C15orf40: variants seen among roughly 807,000 people sequenced by gnomAD.
C15orf40 encodes UPF0235 protein C15orf40.
A neutral mutation model predicts 13.9 loss-of-function variants in C15orf40; 9 were observed. The observed-to-expected ratio is 0.65, with a 90% CI of 0.39 to 1.13. The LOEUF (loss-of-function observed/expected upper bound fraction) is 1.13, where lower values mean the gene tolerates loss of function less well. C15orf40 is among the 50% of genes most tolerant of loss of function. The pLI is 0.01. For synonymous variants in C15orf40, 95 were observed against 69.2 expected, an observed-to-expected ratio of 1.37 and a Z score of -1.85; for missense variants, 225 against 188.5, an observed-to-expected ratio of 1.19 and a Z score of -1.13.
At chr15:82,992,003 G>A (rs1409483146), downstream of C15orf40, 5 of 1,018,550 alleles carry the variant, frequency 4.9e-6, no homozygotes, top group African/African-American at 3.3e-5. Context: ...ATCACTTGAA[G>A]CCAGGAGTTC....
Position 83,011,597 on chromosome 15 carries a change from A to T in C15orf40, c.11T>A (p.Leu4His), listed in dbSNP as rs753453555. 3.8e-6 allele frequency: 6 copies of T among 1,585,266 alleles called. No individual in the cohort carries two copies. The highest frequency in any genetic ancestry group is 5.1e-6 in the Non-Finnish European group (6 of 1,170,332). Residue 4 changes from leucine (L) to histidine (H), a missense_variant, in exon 1 of 4, where the codon CTC (leucine) becomes CAC (histidine). Coordinates refer to ENST00000304177, the MANE Select transcript of C15orf40 (RefSeq NM_144597.3). MLR[L>H]RSGLRHLRAT... ...CCGAAGGTGCCTCAGCCCGCTGCGG[A>T]GCCGCAGCATCCCCGCCTGGGAAGG...
chr15:83,001,289 C>G lies in C15orf40; in HGVS notation c.*4308G>C. The G allele has an allele frequency of 1.0e-6, 1 of 985,454 alleles. No individual in the cohort carries two copies. Among genetic ancestry groups the G allele is most frequent in the Non-Finnish European group, 1.2e-6 (1 of 829,944 alleles). 61.0% of individuals were successfully genotyped at this position (985,454 alleles called of 1,614,324 possible). ...AGGATCTGTCGAAGTACAGCATAGG[C>G]AAACCACCTAGCAGTGTCTGTCAAG... On this transcript the variant is annotated 3_prime_UTR_variant, in exon 4 of 4. Transcript: ENST00000304177.
At chr15:83,010,085 A>T in intron 2 of C15orf40, 152 bp downstream of exon 2, 1 of 1,072,974 alleles carries the variant, frequency 9.3e-7, no homozygotes, top group South Asian at 1.7e-5. Flanking sequence ...ACACCTTTAC[A>T]TTAGAATCTA....
chr15:83,010,030 G>C (rs1020556561), intron 2 of C15orf40, among the ~76,000 whole-genome samples: 1 of 152,144 alleles, frequency 6.6e-6, no homozygotes, highest in Non-Finnish European at 1.5e-5. Flanking sequence ...ATATACAATG[G>C]TTTTCGTGTA....
At position 83,002,080 on chromosome 15, in the gene C15orf40, G is replaced by C. The variant is rs1270064729; in HGVS notation, c.*3517C>G. 2 of 152,098 alleles carry C rather than the reference G, an allele frequency of 1.3e-5. No individual in the cohort carries two copies. The highest frequency in any genetic ancestry group is 2.9e-5 in the Non-Finnish European group (2 of 68,050). 9.4% of individuals were successfully genotyped at this position (152,098 alleles called of 1,614,324 possible). ...GTACCACCACGCCCAGCTAATTTTTGTAATTTTTAGTAGAGGTGGGGTTTC... is the reference window on the plus strand; with the variant it reads ...GTACCACCACGCCCAGCTAATTTTTCTAATTTTTAGTAGAGGTGGGGTTTC... On this transcript the variant is annotated 3_prime_UTR_variant, in exon 4 of 4. Transcript: ENST00000304177.
chr15:82,994,264 CT>C (rs1431760050), downstream of C15orf40, among the ~76,000 whole-genome samples: 1 of 152,154 alleles, frequency 6.6e-6, no homozygotes, highest in Non-Finnish European at 1.5e-5. Flanking sequence ...ATCATTTACC[CT>C]GAATCAGGTT....
chr15:82,991,729 G>A (rs536861381), downstream of C15orf40, among the ~76,000 whole-genome samples: 1 of 152,116 alleles, frequency 6.6e-6, no homozygotes, highest in Admixed American at 6.5e-5. Context: ...GACCTAATAA[G>A]TCGGGCAGTC....
rs142799605 is a variant in C15orf40 at position 83,000,064 on chromosome 15, T to C, written c.*5533A>G. On this transcript the variant is annotated 3_prime_UTR_variant, in exon 4 of 4. Coordinates refer to ENST00000304177, the MANE Select transcript of C15orf40 (RefSeq NM_144597.3). ...ATCCCTGCAGCAGAAATGGGAGCTA[T>C]AGATGGTCATAGCTCCCTTACCCTG... 8 of 152,298 alleles carry C rather than the reference T, an allele frequency of 5.3e-5. No homozygotes were observed. Among genetic ancestry groups the C allele is most frequent in the African/African-American group, 1.7e-4 (7 of 41,558 alleles). 9.4% of individuals were successfully genotyped at this position (152,298 alleles called of 1,614,324 possible). A position where few individuals can be genotyped will look rare whatever the true frequency, so the allele number is the denominator to read the frequency against.
Position 82,995,915 on chromosome 15 carries a change from A to G in C15orf40, c.*9682T>C, listed in dbSNP as rs1407725358. Reference sequence around the variant, plus strand: ...TACCCAGTCAGTCAGGTTCGTATATAAGAGTGAGTTATCTGTGGGCTGCTT... The same window carrying G: ...TACCCAGTCAGTCAGGTTCGTATATGAGAGTGAGTTATCTGTGGGCTGCTT... On this transcript the variant is annotated 3_prime_UTR_variant, in exon 4 of 4. Coordinates refer to ENST00000304177, the MANE Select transcript of C15orf40 (RefSeq NM_144597.3). 1 of 152,292 alleles carries G rather than the reference A, an allele frequency of 6.6e-6. No homozygotes were observed. The highest frequency in any genetic ancestry group is 1.5e-5 in the Non-Finnish European group (1 of 68,076). 9.4% of individuals were successfully genotyped at this position (152,292 alleles called of 1,614,324 possible).
In C15orf40 at chr15:83,005,490, G is replaced by C; in HGVS notation, c.*107C>G. Reference sequence around the variant, plus strand: ...GTAGAGATGGGGTTTCACCATGTTGGTCAGGCTGGTCTCGAACTCCTGACC... The same window carrying C: ...GTAGAGATGGGGTTTCACCATGTTGCTCAGGCTGGTCTCGAACTCCTGACC... On this transcript the variant is annotated 3_prime_UTR_variant, in exon 4 of 4. Transcript: ENST00000304177. 1 of 992,854 alleles carries C rather than the reference G, an allele frequency of 1.0e-6. No individual in the cohort carries two copies. The highest frequency in any genetic ancestry group is 1.4e-6 in the Non-Finnish European group (1 of 714,168). 61.5% of individuals were successfully genotyped at this position (992,854 alleles called of 1,614,324 possible).
intron 3 of C15orf40, chr15:83,008,132 C>T (rs2031792282): frequency 1.1e-5 from 2 of 178,590 alleles, no homozygotes; most frequent in South Asian, 2.1e-4. Flanking sequence ...TGAGAGGTAG[C>T]AGTGCGTCAA....
At chr15:82,990,882 T>G (rs2030830214), downstream of C15orf40, 1 of 464,340 alleles carries the variant, frequency 2.2e-6, no homozygotes, top group Non-Finnish European at 3.9e-6. Context: ...TGTGGGCTGA[T>G]TTTACAATGT....
At chr15:83,008,487 C>A (rs2031817410) in intron 3 of C15orf40, 61 bp downstream of exon 3, 9 of 1,574,456 alleles carry the variant, frequency 5.7e-6, no homozygotes, top group Non-Finnish European at 7.8e-6. Context: ...CCACTGCACT[C>A]CAGCTTGGGC....
Position 83,000,997 on chromosome 15 carries a change from GA to G in C15orf40, c.*4599del. Reference sequence around the variant, plus strand: ...CCAGCGAATATTTGTATTTGTAGTAGAAACAGGGTTTCGCCATATTGGTCAG... The same window carrying G: ...CCAGCGAATATTTGTATTTGTAGTAGAACAGGGTTTCGCCATATTGGTCAG... On this transcript the variant is annotated 3_prime_UTR_variant, in exon 4 of 4. Transcript: ENST00000304177. The G allele has an allele frequency of 2.3e-6, 1 of 425,860 alleles. No homozygotes were observed. The highest frequency in any genetic ancestry group is 3.1e-6 in the Non-Finnish European group (1 of 318,802). 26.4% of individuals were successfully genotyped at this position (425,860 alleles called of 1,614,324 possible). A position where few individuals can be genotyped will look rare whatever the true frequency, so the allele number is the denominator to read the frequency against.
chr15:83,005,443 T>C lies in C15orf40; in HGVS notation c.*154A>G, dbSNP rs2031625545. 25 of 710,128 alleles carry C rather than the reference T, an allele frequency of 3.5e-5. 1 individual carries two copies. In the South Asian group the frequency reaches 4.9e-4, roughly 14 times the overall value. 44.0% of individuals were successfully genotyped at this position (710,128 alleles called of 1,614,324 possible). The stretch of plus-strand genomic sequence containing the variant: ...GGGATTACAGGCATGCGCCATCACA[T>C]CTGGCTAATTTTGTATTTTTCGTAG... On this transcript the variant is annotated 3_prime_UTR_variant, in exon 4 of 4. Transcript: ENST00000304177.
chr15:83,005,381 T>G lies in C15orf40; in HGVS notation c.*216A>C. The G allele has an allele frequency of 1.5e-6, 1 of 661,194 alleles. No individual in the cohort carries two copies. Among genetic ancestry groups the G allele is most frequent in the Non-Finnish European group, 2.0e-6 (1 of 501,154 alleles). 41.0% of individuals were successfully genotyped at this position (661,194 alleles called of 1,614,324 possible). ...CTTACTGCAACCTCCGCCCCCCAGGTTCAAGTGATTCTCCTGCCTCAGCCT... is the reference window on the plus strand; with the variant it reads ...CTTACTGCAACCTCCGCCCCCCAGGGTCAAGTGATTCTCCTGCCTCAGCCT... On this transcript the variant is annotated 3_prime_UTR_variant, in exon 4 of 4. Transcript: ENST00000304177.
Position 83,005,636 on chromosome 15 carries a change from C to T in C15orf40, c.423G>A (p.Glu141=). 1 of 1,612,198 alleles carries T rather than the reference C, an allele frequency of 6.2e-7. No homozygotes were observed. Residue 141 remains glutamate (E), a synonymous_variant, in exon 4 of 4, where the codon GAG becomes GAA. Coordinates refer to ENST00000304177, the MANE Select transcript of C15orf40 (RefSeq NM_144597.3). ...VKLLASTTPE[E]ILEKLKKEAK... ...CTTCCTTTTTTAATTTCTCCAAGAT[C>T]TCTTCTGGAGTTGTAGAAGCCAAAA... is the stretch of plus-strand genomic sequence containing the variant.
In C15orf40 at chr15:83,000,963, T is replaced by C. The variant is rs536662414; in HGVS notation, c.*4634A>G. On this transcript the variant is annotated 3_prime_UTR_variant, in exon 4 of 4. Coordinates refer to ENST00000304177, the MANE Select transcript of C15orf40 (RefSeq NM_144597.3). ...AAGTAGCTGGGACTACAGGCATGCA[T>C]TGCCATGCCCAGCGAATATTTGTAT... is the stretch of plus-strand genomic sequence containing the variant. The C allele has an allele frequency of 1.8e-5, 5 of 275,824 alleles. No individual in the cohort carries two copies. Among genetic ancestry groups the C allele is most frequent in the East Asian group, 1.8e-4 (1 of 5,662 alleles). The allele number at this position is 275,824 out of a possible 1,614,324, so 17.1% of individuals were successfully genotyped here.
chr15:83,004,359 T>C lies in C15orf40; in HGVS notation c.*1238A>G, dbSNP rs2031560695. The C allele has an allele frequency of 2.0e-6, 2 of 985,438 alleles. No homozygotes were observed. Among genetic ancestry groups the C allele is most frequent in the African/African-American group, 3.5e-5 (2 of 57,370 alleles). The allele number at this position is 985,438 out of a possible 1,614,324, so 61.0% of individuals were successfully genotyped here. A position where few individuals can be genotyped will look rare whatever the true frequency, so the allele number is the denominator to read the frequency against. On this transcript the variant is annotated 3_prime_UTR_variant, in exon 4 of 4. Transcript: ENST00000304177. ...CCATCAATACATCTTTCTCATGTAC[T>C]TGCTGGACAAAGCGCACAACTGCAG...
Sources: gnomAD v4.1 joint callset for allele counts (sites outside exome capture counted in the v4.1 genomes callset) on GRCh38, gnomAD v4.1.1 for gene constraint, MANE v1.5 for transcripts, NCBI Gene and HGNC (gene_info 2026-07-23, HGNC 2026-07-21) for gene names.